TCTN2: variants seen among roughly 807,000 people sequenced by gnomAD.
TCTN2 encodes the protein tectonic-2.
A neutral mutation model predicts 83.4 loss-of-function variants in TCTN2; 66 were observed. The ratio of observed to expected loss-of-function variants is 0.79; its 90% confidence interval spans 0.65 to 0.97. The LOEUF (loss-of-function observed/expected upper bound fraction) is 0.97. TCTN2 is among the 50% of genes least tolerant of loss of function. The pLI is 0.00. For missense variants in TCTN2, 794 were observed against 858.1 expected (o/e 0.93, Z 0.93); for synonymous variants, 301 against 326.7 (o/e 0.92, Z 0.85).
chr12:123,704,972 C>G (rs1956213052), intron 15 of TCTN2, among the ~76,000 whole-genome samples: 1 of 151,880 alleles, frequency 6.6e-6, no homozygotes, highest in Admixed American at 6.6e-5. Context: ...TTTTGAAATC[C>G]ATGGATGTAA....
At position 123,680,785 on chromosome 12, in the gene TCTN2, G is replaced by A. The variant is rs1346725473; in HGVS notation, c.564+1496G>A. ...GCCTACCTCGGCCTCCCAAAGTGCT[G>A]GGATTACAGGAGTGAGCCACTGCAC... On this transcript the variant is annotated intron_variant, in intron 5 of 17. Transcript: ENST00000303372. 2.6e-5 allele frequency among the ~76,000 whole-genome samples: 4 copies of A among 151,568 alleles called. No individual in the cohort carries two copies. The East Asian group carries it at 7.8e-4, about 30-fold the overall frequency.
At position 123,685,718 on chromosome 12, in the gene TCTN2, CTTTT is replaced by C. The variant is rs3071665; in HGVS notation, c.565-1098_565-1095del. On this transcript the variant is annotated intron_variant, in intron 5 of 17. Coordinates refer to ENST00000303372, the MANE Select transcript of TCTN2 (RefSeq NM_024809.5). ...ACAGGTGTGAGCCACTGCGCCCGGT[CTTTT>C]TTTTTTTTTTTTTTTTTTTAAGAAG... Among the ~76,000 whole-genome samples the C allele has an allele frequency of 3.9e-3, 425 of 109,440 alleles. 1 individual carries two copies. The highest frequency in any genetic ancestry group is 0.014 in the African/African-American group (372 of 27,248). The allele number at this position is 109,440 out of a possible 152,430, so 71.8% of individuals were successfully genotyped here. A position where few individuals can be genotyped will look rare whatever the true frequency, so the allele number is the denominator to read the frequency against.
chr12:123,673,493 A>G (rs1022792044), intron 3 of TCTN2, 122 bp from the exon 4 acceptor site: 45 of 938,026 alleles, frequency 4.8e-5, no homozygotes, highest in Non-Finnish European at 7.5e-5. Context: ...TCATCTCTGT[A>G]TACATTTCCC....
At chr12:123,677,969 TTC>T (rs970930173) in intron 4 of TCTN2, among the ~76,000 whole-genome samples, 2 of 152,126 alleles carry the variant, frequency 1.3e-5, no homozygotes, top group African/African-American at 2.4e-5. Context: ...GCTCAGCGCA[TTC>T]TCTCTCTCTG....
rs899417311 is a variant in TCTN2, at chr12:123,687,009, C to G, written c.738C>G (p.Phe246Leu). 9.9e-6 allele frequency: 16 copies of G among 1,614,066 alleles called. No homozygotes were observed. The African/African-American group carries it at 1.9e-4, about 19-fold the overall frequency. Residue 246 changes from phenylalanine (F) to leucine (L), a missense_variant, in exon 6 of 18, where the codon TTC becomes TTG. Physicochemically the swap from Phe to Leu is conservative, Grantham distance 22 (BLOSUM62 0). Transcript: ENST00000303372. ...AGTCCCCCCTTGCCAACACACCCTT[C>G]CTTGGTTACTTCTATCATGGTGCTG... Reference protein sequence around the residue: ...CVQSPLANTPFLGYFYHGAVS... With the variant: ...CVQSPLANTPLLGYFYHGAVS...
chr12:123,689,986 G>C (rs2135839138), intron 7 of TCTN2, among the ~76,000 whole-genome samples: 1 of 152,236 alleles, frequency 6.6e-6, no homozygotes, highest in Non-Finnish European at 1.5e-5. Flanking sequence ...TTTTTGTAGA[G>C]ACAGGGTCTT....
intron 5 of TCTN2, among the ~76,000 whole-genome samples, chr12:123,684,934 C>T (rs1445635543): frequency 6.6e-6 from 1 of 151,290 alleles, no homozygotes; most frequent in African/African-American, 2.4e-5. Flanking sequence ...CCTGTAGTCC[C>T]AGCTACTCAG....
chr12:123,692,815 T>C, intron 9 of TCTN2, 92 bp downstream of exon 9: 2 of 1,049,438 alleles, frequency 1.9e-6, no homozygotes, highest in Admixed American at 1.9e-5. Context: ...ATATTTTTGT[T>C]AGTCATTTAA....
At position 123,707,602 on chromosome 12, in the gene TCTN2, A is replaced by G; in HGVS notation, c.1985-2A>G. On this transcript the variant is annotated splice_acceptor_variant, in intron 17 of 17. Transcript: ENST00000303372. LOFTEE classifies it high-confidence loss of function. Reference sequence around the variant, plus strand: ...TGTTGAATTTTGTCCATTGTTTTTCAGGGGAGCTGCATTCTCAGTGTGTTG... The same window carrying G: ...TGTTGAATTTTGTCCATTGTTTTTCGGGGGAGCTGCATTCTCAGTGTGTTG... The G allele has an allele frequency of 6.2e-7, 1 of 1,613,780 alleles. No individual in the cohort carries two copies. Among genetic ancestry groups the G allele is most frequent in the East Asian group, 2.2e-5 (1 of 44,884 alleles).
At chr12:123,688,872 C>T (rs1186433925) in intron 7 of TCTN2, among the ~76,000 whole-genome samples, 1 of 151,984 alleles carries the variant, frequency 6.6e-6, no homozygotes, top group Non-Finnish European at 1.5e-5. Context: ...TCTCCTGCCT[C>T]AGCTTTCCCA....
chr12:123,687,005 C>T lies in TCTN2; in HGVS notation c.734C>T (p.Pro245Leu), dbSNP rs765887880. ...GTGCAGTCCCCCCTTGCCAACACAC[C>T]CTTCCTTGGTTACTTCTATCATGGT... is the stretch of plus-strand genomic sequence containing the variant. Reference protein sequence around the residue: ...LCVQSPLANTPFLGYFYHGAV... With the variant: ...LCVQSPLANTLFLGYFYHGAV... Residue 245 changes from proline (P) to leucine (L), a missense_variant, in exon 6 of 18, where the codon CCC (proline) becomes CTC (leucine). Transcript: ENST00000303372. 1.9e-6 allele frequency: 3 copies of T among 1,614,132 alleles called. No homozygotes were observed. The highest frequency in any genetic ancestry group is 2.5e-6 in the Non-Finnish European group (3 of 1,180,034).
At chr12:123,697,329 A>G in intron 13 of TCTN2, 131 bp downstream of exon 13, 1 of 742,184 alleles carries the variant, frequency 1.3e-6, no homozygotes, top group Non-Finnish European at 2.4e-6. Context: ...GTGATAATAA[A>G]TACAGACATG....
intron 14 of TCTN2, among the ~76,000 whole-genome samples, chr12:123,703,473 C>T (rs990669297): frequency 9.2e-5 from 14 of 152,166 alleles, no homozygotes; most frequent in Admixed American, 2.0e-4. Context: ...TGAGCCACCA[C>T]GCCCGACTGA....
chr12:123,694,468 A>G (rs1956084125), intron 9 of TCTN2, among the ~76,000 whole-genome samples: 1 of 152,218 alleles, frequency 6.6e-6, no homozygotes, highest in South Asian at 2.1e-4. Flanking sequence ...TGGAGTTCCT[A>G]CGCCGTAGTA....
chr12:123,687,297 T>A (rs1274406907), intron 6 of TCTN2, among the ~76,000 whole-genome samples: 1 of 152,172 alleles, frequency 6.6e-6, no homozygotes, highest in Non-Finnish European at 1.5e-5. Flanking sequence ...TGGTGGCTCA[T>A]GGGAGATTTT....
At chr12:123,675,249 G>A (rs1005931082) in intron 4 of TCTN2, among the ~76,000 whole-genome samples, 4 of 152,122 alleles carry the variant, frequency 2.6e-5, no homozygotes, top group Non-Finnish European at 5.9e-5. Context: ...ATGAGAAAAT[G>A]GTTTTGTGTT....
chr12:123,694,440 T>C (rs1211578420), intron 9 of TCTN2, among the ~76,000 whole-genome samples: 1 of 152,240 alleles, frequency 6.6e-6, no homozygotes, highest in Non-Finnish European at 1.5e-5. Context: ...ATTTATTCAT[T>C]GGCTCATCAA....
At position 123,696,463 on chromosome 12, in the gene TCTN2, A is replaced by G. The variant is rs780398179; in HGVS notation, c.1361A>G (p.Asn454Ser). 1.9e-5 allele frequency: 31 copies of G among 1,614,160 alleles called. No individual in the cohort carries two copies. In the South Asian group the frequency reaches 3.4e-4, roughly 18 times the overall value. The change falls in exon 12 of 18, where the codon AAT becomes AGT. Residue 454 changes from asparagine to serine, a missense_variant. Coordinates refer to ENST00000303372, the MANE Select transcript of TCTN2 (RefSeq NM_024809.5). ...CGAGCTCTAAATATCAACAGGATGA[A>G]TAATGTCACGACTTTACATCTTTGG... ...PVRALNINRM[N>S]NVTTLHLWQS...
Position 123,671,337 on chromosome 12 carries a change from G to C in TCTN2, c.82+15G>C. The C allele has an allele frequency of 6.2e-7, 1 of 1,612,998 alleles. No homozygotes were observed. The highest frequency in any genetic ancestry group is 8.5e-7 in the Non-Finnish European group (1 of 1,179,518). On this transcript the variant is annotated intron_variant, in intron 1 of 17. Coordinates refer to ENST00000303372, the MANE Select transcript of TCTN2 (RefSeq NM_024809.5). ...GGGGGACCTGGGTGTGTACGGCGCG[G>C]CAGTGACCTCGGTGGGCCGGGGCTG...
Sources: gnomAD v4.1 joint callset for allele counts (sites outside exome capture counted in the v4.1 genomes callset) on GRCh38, gnomAD v4.1.1 for gene constraint, MANE v1.5 for transcripts, NCBI Gene and HGNC (gene_info 2026-07-23, HGNC 2026-07-21) for gene names.